FAM168A: variants seen among roughly 807,000 people sequenced by gnomAD.
The protein encoded by FAM168A is protein FAM168A.
In FAM168A, 3 loss-of-function variants were observed where a neutral mutation model predicts 28.5. The observed-to-expected ratio is 0.11, with a 90% CI of 0.05 to 0.27. The LOEUF is 0.27. FAM168A is among the 10% of genes least tolerant of loss of function. The probability of loss-of-function intolerance (pLI) is 1.00; values close to 1 mark genes in which losing one functional copy is unlikely to be tolerated. For synonymous variants in FAM168A, 122 were observed against 124.2 expected (o/e 0.98, Z 0.12); for missense variants, 222 against 311.5 (o/e 0.71, Z 2.16).
At chr11:73,546,558 C>G (rs1255165255) in intron 1 of FAM168A, among the ~76,000 whole-genome samples, 9 of 152,114 alleles carry the variant, frequency 5.9e-5, no homozygotes, top group African/African-American at 9.7e-5. Flanking sequence ...AATGGTGAAG[C>G]CTTGTCTCTA....
At chr11:73,429,549 A>G (rs1302671932) in intron 3 of FAM168A, among the ~76,000 whole-genome samples, 1 of 152,142 alleles carries the variant, frequency 6.6e-6, no homozygotes, top group Non-Finnish European at 1.5e-5. Context: ...CGTTCCTCAC[A>G]GTGTCATGTT....
intron 1 of FAM168A, among the ~76,000 whole-genome samples, chr11:73,495,629 T>C (rs1854859078): frequency 6.6e-6 from 1 of 152,206 alleles, no homozygotes; most frequent in African/African-American, 2.4e-5. Flanking sequence ...GAACAGGCAT[T>C]TCTCCAAAGA....
intron 1 of FAM168A, among the ~76,000 whole-genome samples, chr11:73,485,260 A>G (rs574281134): frequency 6.6e-6 from 1 of 152,342 alleles, no homozygotes; most frequent in East Asian, 1.9e-4. Flanking sequence ...TAATTCATTC[A>G]GCAAATCCCT....
intron 1 of FAM168A, among the ~76,000 whole-genome samples, chr11:73,523,197 C>T (rs914758002): frequency 6.6e-6 from 1 of 152,174 alleles, no homozygotes; most frequent in African/African-American, 2.4e-5. Flanking sequence ...GTTTCAGCTT[C>T]TCTAGTAACT....
At chr11:73,490,293 C>T (rs1424365652) in intron 1 of FAM168A, among the ~76,000 whole-genome samples, 1 of 151,856 alleles carries the variant, frequency 6.6e-6, no homozygotes, top group Non-Finnish European at 1.5e-5. Flanking sequence ...GTATTACTGC[C>T]CCCCCTGTTT....
chr11:73,578,966 G>C (rs184898282), intron 1 of FAM168A, among the ~76,000 whole-genome samples: 28 of 152,320 alleles, frequency 1.8e-4, no homozygotes, highest in Non-Finnish European at 3.2e-4. Context: ...CACAGGTCTG[G>C]AGGCTGGGAA....
At chr11:73,439,786 T>A (rs1407309785) in intron 2 of FAM168A, among the ~76,000 whole-genome samples, 1 of 152,230 alleles carries the variant, frequency 6.6e-6, no homozygotes, top group South Asian at 2.1e-4. Context: ...GTCTCTGACC[T>A]CTGTGTGTTT....
chr11:73,580,514 G>A, intron 1 of FAM168A: 2 of 604,960 alleles, frequency 3.3e-6, no homozygotes, highest in Non-Finnish European at 3.2e-6. Context: ...TGCTGGAGAT[G>A]CCAAGCGAAG....
At chr11:73,455,755 C>T (rs781416251) in intron 2 of FAM168A, among the ~76,000 whole-genome samples, 6 of 152,146 alleles carry the variant, frequency 3.9e-5, no homozygotes, top group Non-Finnish European at 8.8e-5. Flanking sequence ...TTTAGGCCCC[C>T]TCCTATGGCA....
intron 1 of FAM168A, among the ~76,000 whole-genome samples, chr11:73,544,697 ATG>A (rs1170527810): frequency 2.1e-4 from 26 of 123,476 alleles, no homozygotes; most frequent in Non-Finnish European, 3.5e-4. Context: ...TATATTTTAT[ATG>A]TAATTATATA....
Position 73,401,321 on chromosome 11 carries a change from G to A in FAM168A, c.*5442C>T, listed in dbSNP as rs1475986068. On this transcript the variant is annotated 3_prime_UTR_variant, in exon 8 of 8. Transcript: ENST00000356467. ...AAGTCAGGATGGGGACAGGCCCTTG[G>A]GCCTTTCAAGATTATTACAGACAAC... The A allele has an allele frequency of 2.6e-5, 4 of 152,100 alleles. No individual in the cohort carries two copies. Among genetic ancestry groups the A allele is most frequent in the Non-Finnish European group, 5.9e-5 (4 of 68,032 alleles). 9.4% of individuals were successfully genotyped at this position (152,100 alleles called of 1,614,324 possible).
At chr11:73,536,262 T>C (rs1454902884) in intron 1 of FAM168A, among the ~76,000 whole-genome samples, 2 of 152,220 alleles carry the variant, frequency 1.3e-5, no homozygotes, top group African/African-American at 4.8e-5. Flanking sequence ...TCAGATCCTA[T>C]TTATACCAGA....
At chr11:73,489,106 C>T (rs1334214926) in intron 1 of FAM168A, among the ~76,000 whole-genome samples, 1 of 152,120 alleles carries the variant, frequency 6.6e-6, no homozygotes, top group Non-Finnish European at 1.5e-5. Flanking sequence ...GTCTTGAACT[C>T]CTGACCTCTT....
chr11:73,556,427 ATAAT>A (rs770964524), intron 1 of FAM168A, among the ~76,000 whole-genome samples: 8 of 151,292 alleles, frequency 5.3e-5, no homozygotes, highest in African/African-American at 1.7e-4. Flanking sequence ...AATAATTTAA[ATAAT>A]TAAATAAAAT....
chr11:73,540,450 A>G (rs1234815743), intron 1 of FAM168A, among the ~76,000 whole-genome samples: 3 of 152,052 alleles, frequency 2.0e-5, no homozygotes, highest in Non-Finnish European at 4.4e-5. Context: ...GTCAGAACTA[A>G]CCCCCACTCC....
intron 1 of FAM168A, among the ~76,000 whole-genome samples, chr11:73,582,056 C>G (rs1297915402): frequency 6.6e-6 from 1 of 152,026 alleles, no homozygotes. Flanking sequence ...GCATCTGGAG[C>G]TCCTTGAAGA....
intron 1 of FAM168A, among the ~76,000 whole-genome samples, chr11:73,519,910 C>T (rs1943355059): frequency 1.3e-5 from 2 of 151,804 alleles, no homozygotes; most frequent in South Asian, 4.2e-4. Flanking sequence ...AATTCTCCCA[C>T]CTCAAACTCC....
chr11:73,581,653 A>T (rs1944246239), intron 1 of FAM168A, among the ~76,000 whole-genome samples: 1 of 152,198 alleles, frequency 6.6e-6, no homozygotes, highest in South Asian at 2.1e-4. Flanking sequence ...TCTTCCCTAA[A>T]AAAAGGTTTG....
At chr11:73,565,573 C>A (rs937682912) in intron 1 of FAM168A, among the ~76,000 whole-genome samples, 1 of 144,376 alleles carries the variant, frequency 6.9e-6, no homozygotes, top group Non-Finnish European at 1.5e-5. Context: ...CTTGGAGCTA[C>A]TATAGGAATT....
Sources: gnomAD v4.1 joint callset for allele counts (sites outside exome capture counted in the v4.1 genomes callset) on GRCh38, gnomAD v4.1.1 for gene constraint, MANE v1.5 for transcripts, NCBI Gene and HGNC (gene_info 2026-07-23, HGNC 2026-07-21) for gene names.